The following FHIT variants were observed in gnomAD, a reference collection of about 807,000 sequenced individuals.
The protein encoded by FHIT is fragile histidine triad diadenosine triphosphatase, also known as bis(5'-adenosyl)-triphosphatase.
A neutral mutation model predicts 17.9 loss-of-function variants in FHIT; 19 were observed. The ratio of observed to expected loss-of-function variants is 1.06; its 90% CI spans 0.74 to 1.56. The LOEUF (loss-of-function observed/expected upper bound fraction) is 1.56, where lower values mean the gene tolerates loss of function less well. FHIT is among the 40% of genes most tolerant of loss of function. FHIT has a pLI of 0.00. For synonymous variants in FHIT, 81 were observed against 69.7 expected (o/e 1.16, Z -0.81); for missense variants, 248 against 189.2 (o/e 1.31, Z -1.82).
intron 3 of FHIT, among the ~76,000 whole-genome samples, chr3:60,862,979 C>T (rs1051105743): frequency 2.0e-5 from 3 of 152,012 alleles, no homozygotes; most frequent in East Asian, 3.9e-4. Flanking sequence ...GGAAGGTTAT[C>T]TTGAATTATC....
intron 4 of FHIT, among the ~76,000 whole-genome samples, chr3:60,770,912 C>A (rs550231750): frequency 2.4e-3 from 369 of 152,340 alleles, no homozygotes; most frequent in African/African-American, 8.7e-3. Context: ...AACTAATGCT[C>A]CTGACCATAT....
chr3:61,148,342 A>T (rs571140698), intron 2 of FHIT, among the ~76,000 whole-genome samples: 1 of 152,248 alleles, frequency 6.6e-6, no homozygotes, highest in South Asian at 2.1e-4. Flanking sequence ...TATTTCCAGA[A>T]AATTACCTCC....
intron 7 of FHIT, among the ~76,000 whole-genome samples, chr3:60,003,952 C>G (rs1045670619): frequency 6.6e-6 from 1 of 150,784 alleles, no homozygotes; most frequent in African/African-American, 2.4e-5. Flanking sequence ...GAGCTGATTA[C>G]ATGGAGTTAG....
intron 2 of FHIT, among the ~76,000 whole-genome samples, chr3:61,196,371 T>C (rs1294569091): frequency 2.0e-5 from 3 of 152,166 alleles, no homozygotes; most frequent in Non-Finnish European, 2.9e-5. Flanking sequence ...TACAATATGG[T>C]ATTTCTTTAT....
chr3:60,814,793 C>A (rs1701679737), intron 4 of FHIT, among the ~76,000 whole-genome samples: 1 of 151,990 alleles, frequency 6.6e-6, no homozygotes, highest in South Asian at 2.1e-4. Context: ...AACTGCTTTC[C>A]ACAGTGGCCG....
intron 8 of FHIT, among the ~76,000 whole-genome samples, chr3:59,825,214 G>C (rs1434304992): frequency 6.6e-6 from 1 of 152,038 alleles, no homozygotes; most frequent in Non-Finnish European, 1.5e-5. Flanking sequence ...GTTTGCTTTA[G>C]TTCATATTTC....
intron 1 of FHIT, among the ~76,000 whole-genome samples, chr3:61,236,129 G>A (rs1221743988): frequency 6.7e-6 from 1 of 149,168 alleles, no homozygotes; most frequent in East Asian, 1.9e-4. Flanking sequence ...AATATAGTAT[G>A]TAACAATATA....
intron 4 of FHIT, among the ~76,000 whole-genome samples, chr3:60,641,263 A>C (rs1452231171): frequency 6.6e-6 from 1 of 152,192 alleles, no homozygotes; most frequent in Non-Finnish European, 1.5e-5. Flanking sequence ...GATGCATGAG[A>C]ATCCATACTA....
Position 60,627,098 on chromosome 3 carries a change from T to C in FHIT, c.-17-90119A>G, listed in dbSNP as rs146994462. Among the ~76,000 whole-genome samples, 42 of 152,292 alleles carry C rather than the reference T, an allele frequency of 2.8e-4. 1 individual carries two copies. The East Asian group carries it at 7.9e-3, about 29-fold the overall frequency. The stretch of plus-strand genomic sequence containing the variant: ...TGGATCCAGTTTGCTTGTCTTCCAC[T>C]GAGGATTTTTACATCTGTATTGATA... On this transcript the variant is annotated intron_variant, in intron 4 of 9. Transcript: ENST00000492590.
chr3:60,796,338 C>A (rs1331007645), intron 4 of FHIT, among the ~76,000 whole-genome samples: 1 of 151,940 alleles, frequency 6.6e-6, no homozygotes, highest in African/African-American at 2.4e-5. Context: ...TTATTTAGTT[C>A]TTTCTGCATT....
At chr3:60,004,298 G>A (rs1471840229) in intron 7 of FHIT, among the ~76,000 whole-genome samples, 4 of 152,068 alleles carry the variant, frequency 2.6e-5, no homozygotes, top group Non-Finnish European at 5.9e-5. Flanking sequence ...TATGTGCCAC[G>A]TGTCGGCATT....
At chr3:60,118,858 A>G (rs1480191224) in intron 5 of FHIT, among the ~76,000 whole-genome samples, 1 of 130,856 alleles carries the variant, frequency 7.6e-6, no homozygotes, top group Non-Finnish European at 1.8e-5. Context: ...CTCTACTGAT[A>G]ATACAAAAAA....
At chr3:61,144,389 G>A (rs969877113) in intron 2 of FHIT, among the ~76,000 whole-genome samples, 2 of 152,030 alleles carry the variant, frequency 1.3e-5, no homozygotes, top group African/African-American at 2.4e-5. Flanking sequence ...TACTAATTAT[G>A]GCCAAGTAAC....
chr3:60,461,568 C>T (rs17063191), intron 5 of FHIT, among the ~76,000 whole-genome samples: 1,531 of 152,320 alleles, frequency 0.01, 14 homozygotes, highest in East Asian at 0.039. Context: ...TTCTCTCCAA[C>T]GCTGTACAGA....
chr3:59,918,100 T>A (rs748936975), intron 8 of FHIT, among the ~76,000 whole-genome samples: 31 of 152,194 alleles, frequency 2.0e-4, no homozygotes, highest in Non-Finnish European at 3.4e-4. Flanking sequence ...CATGTCGAAG[T>A]CTCACCCAGT....
intron 4 of FHIT, among the ~76,000 whole-genome samples, chr3:60,777,648 C>G (rs1345373029): frequency 7.2e-5 from 11 of 152,304 alleles, no homozygotes; most frequent in Non-Finnish European, 7.3e-5. Flanking sequence ...TGGATTTTTC[C>G]CACAAGAGAC....
chr3:59,820,972 A>T (rs17362087), intron 8 of FHIT, among the ~76,000 whole-genome samples: 6,132 of 152,284 alleles, frequency 0.04, 155 homozygotes, highest in Non-Finnish European at 0.056. Context: ...AAAGGAAAGA[A>T]GATGTTTATG....
intron 5 of FHIT, among the ~76,000 whole-genome samples, chr3:60,430,868 G>A (rs779314413): frequency 1.3e-5 from 2 of 151,972 alleles, no homozygotes; most frequent in Non-Finnish European, 2.9e-5. Flanking sequence ...TGAGATTCAG[G>A]GCAGTGATAA....
chr3:60,517,479 CT>C (rs1010262129), intron 5 of FHIT, among the ~76,000 whole-genome samples: 3 of 152,158 alleles, frequency 2.0e-5, no homozygotes, highest in Non-Finnish European at 4.4e-5. Flanking sequence ...CTCCCTAAAA[CT>C]ACAGGCGGCT....
Sources: allele counts gnomAD v4.1 joint callset (sites outside exome capture counted in the v4.1 genomes callset), GRCh38; gene constraint gnomAD v4.1.1; transcripts MANE v1.5; gene names NCBI Gene and HGNC (gene_info 2026-07-23, HGNC 2026-07-21).